Variants in DENND2B observed in about 807,000 individuals in gnomAD.
DENND2B encodes the protein DENN domain-containing protein 2B.
A neutral mutation model predicts 116.0 loss-of-function variants in DENND2B; 32 were observed. That is an observed-to-expected ratio of 0.28 (90% CI 0.21 to 0.37). DENND2B has a LOEUF of 0.37. DENND2B is among the 10% of genes least tolerant of loss of function. The probability of loss-of-function intolerance (pLI) is 1.00; values close to 1 mark genes in which losing one functional copy is unlikely to be tolerated. For synonymous variants in DENND2B, 588 were observed against 583.9 expected (o/e 1.01, Z -0.10); for missense variants, 1,276 against 1,477.7 (o/e 0.86, Z 2.24).
intron 1 of DENND2B, among the ~76,000 whole-genome samples, chr11:8,898,858 G>A (rs1019339961): frequency 4.8e-4 from 73 of 152,194 alleles, no homozygotes; most frequent in African/African-American, 1.7e-3. Context: ...TATAGAAAAA[G>A]GTGCAGTTAA....
chr11:8,714,755 C>T, intron 6 of DENND2B, 49 bp from the exon 7 acceptor site: 1 of 1,525,592 alleles, frequency 6.6e-7, no homozygotes, highest in Non-Finnish European at 9.1e-7. Context: ...ACCAGCTGCC[C>T]TACTTCCAAG....
intron 1 of DENND2B, among the ~76,000 whole-genome samples, chr11:8,752,918 G>A (rs7945378): frequency 0.019 from 2,839 of 152,252 alleles, 89 homozygotes; most frequent in African/African-American, 0.065. Flanking sequence ...TCAAGTAAAT[G>A]TGCAGGATAC....
chr11:8,711,267 C>T (rs749289210), intron 9 of DENND2B, 36 bp from the exon 10 acceptor site: 15 of 1,599,508 alleles, frequency 9.4e-6, no homozygotes, highest in Non-Finnish European at 1.3e-5. Context: ...TGACATGGAA[C>T]CTGAGGGCGG....
chr11:8,827,750 C>A (rs1316306684), intron 4 of DENND2B, among the ~76,000 whole-genome samples: 13 of 152,192 alleles, frequency 8.5e-5, no homozygotes, highest in Admixed American at 8.5e-4. Flanking sequence ...TCTCAGCAAG[C>A]TTCTGAAGGG....
intron 4 of DENND2B, 21 bp from the exon 5 acceptor site, chr11:8,717,913 G>A (rs1257883866): frequency 2.5e-6 from 4 of 1,598,096 alleles, no homozygotes; most frequent in Middle Eastern, 1.7e-4. Flanking sequence ...GGAAGAGTTA[G>A]AGAAGGGGGA....
At chr11:8,850,772 CTGAG>C (rs1566050029) in intron 3 of DENND2B, among the ~76,000 whole-genome samples, 2 of 152,150 alleles carry the variant, frequency 1.3e-5, no homozygotes, top group African/African-American at 2.4e-5. Context: ...TGGAGTCAAC[CTGAG>C]TGTCTATCAA....
chr11:8,720,594 C>G (rs1290327776), intron 4 of DENND2B, among the ~76,000 whole-genome samples: 1 of 152,230 alleles, frequency 6.6e-6, no homozygotes, highest in Admixed American at 6.5e-5. Context: ...AGACGGCTGG[C>G]TGCAGCCCAC....
At chr11:8,875,016 T>G (rs560136186), upstream of DENND2B, among the ~76,000 whole-genome samples, 1 of 152,240 alleles carries the variant, frequency 6.6e-6, no homozygotes, top group South Asian at 2.1e-4. Context: ...GAAAGGTGGT[T>G]AGCCTAGATG....
chr11:8,742,035 T>G (rs527839884), intron 2 of DENND2B, among the ~76,000 whole-genome samples: 37 of 152,262 alleles, frequency 2.4e-4, no homozygotes, highest in African/African-American at 8.2e-4. Context: ...GGAGCACAGG[T>G]GCATTCCAGC....
intron 4 of DENND2B, chr11:8,718,247 C>G: frequency 9.4e-7 from 1 of 1,059,358 alleles, no homozygotes; most frequent in Non-Finnish European, 1.4e-6. Flanking sequence ...CCTTGGCTCC[C>G]TTCCCTCTGC....
chr11:8,709,105 AG>A lies in DENND2B; in HGVS notation c.2353-1252del, dbSNP rs1274269198. ...CCGAGTGGGGAGGGAGCAGAGCAGC[AG>A]GTGCTGGCCCCTCGTGCAGGCTGCT... On this transcript the variant is annotated intron_variant, in intron 11 of 19. Coordinates refer to ENST00000313726, the MANE Select transcript of DENND2B (RefSeq NM_213618.2). 3.3e-5 allele frequency among the ~76,000 whole-genome samples: 5 copies of A among 152,330 alleles called. No individual in the cohort carries two copies. The South Asian group carries it at 6.2e-4, about 19-fold the overall frequency.
intron 1 of DENND2B, among the ~76,000 whole-genome samples, chr11:8,787,525 A>T (rs1192734675): frequency 1.3e-5 from 2 of 152,208 alleles, no homozygotes; most frequent in Non-Finnish European, 2.9e-5. Flanking sequence ...GCAGGAAGTG[A>T]ACTCTAAACA....
At chr11:8,862,364 C>G (rs1168492949) in intron 2 of DENND2B, among the ~76,000 whole-genome samples, 1 of 123,686 alleles carries the variant, frequency 8.1e-6, no homozygotes, top group Non-Finnish European at 1.6e-5. Context: ...GGGTCTCACT[C>G]TGTCATCCAG....
intron 2 of DENND2B, among the ~76,000 whole-genome samples, chr11:8,858,031 A>G (rs1183361494): frequency 3.3e-5 from 5 of 152,204 alleles, no homozygotes; most frequent in Non-Finnish European, 7.3e-5. Flanking sequence ...CAGTGCATTC[A>G]TTCAACCAAG....
chr11:8,718,010 G>A (rs1374984478), intron 4 of DENND2B, 118 bp from the exon 5 acceptor site: 2 of 1,184,548 alleles, frequency 1.7e-6, no homozygotes, highest in Non-Finnish European at 2.4e-6. Context: ...CTTCTGCCTG[G>A]CCCCTCAGCT....
At chr11:8,735,011 C>T (rs986614020) in intron 2 of DENND2B, among the ~76,000 whole-genome samples, 6 of 4,852 alleles carry the variant, frequency 1.2e-3, no homozygotes, top group South Asian at 0.018. Flanking sequence ...GGCAGGGGGG[C>T]GGGAGGGCGG....
At chr11:8,897,418 A>AT (rs2064116872) in intron 1 of DENND2B, among the ~76,000 whole-genome samples, 1 of 152,218 alleles carries the variant, frequency 6.6e-6, no homozygotes, top group Non-Finnish European at 1.5e-5. Context: ...CCAACATAGT[A>AT]GTTCTATCAG....
At chr11:8,806,638 A>ACACACACACACACACACACACACACC (rs1017645452) in intron 1 of DENND2B, among the ~76,000 whole-genome samples, 23 of 151,012 alleles carry the variant, frequency 1.5e-4, no homozygotes, top group East Asian at 3.9e-4. Context: ...ACACACACAC[A>ACACACACACACACACACACACACACC]CCCAGGAGAG....
chr11:8,889,921 T>C (rs2064007946), intron 1 of DENND2B, among the ~76,000 whole-genome samples: 1 of 152,134 alleles, frequency 6.6e-6, no homozygotes, highest in Admixed American at 6.5e-5. Flanking sequence ...GAATTTGAGA[T>C]CTGACAATGG....
Sources: gnomAD v4.1 joint callset for allele counts (sites outside exome capture counted in the v4.1 genomes callset) on GRCh38, gnomAD v4.1.1 for gene constraint, MANE v1.5 for transcripts, NCBI Gene and HGNC (gene_info 2026-07-23, HGNC 2026-07-21) for gene names.